Variants in IL12RB1 observed in about 807,000 individuals in gnomAD.
IL12RB1 encodes interleukin-12 receptor subunit beta-1.
IL12RB1 carries 64 observed loss-of-function variants against 94.4 expected under a neutral mutation model. That is an observed-to-expected ratio of 0.68 (90% CI 0.55 to 0.83). The LOEUF (loss-of-function observed/expected upper bound fraction) is 0.83, where lower values mean the gene tolerates loss of function less well. IL12RB1 is among the 40% of genes least tolerant of loss of function. The probability of loss-of-function intolerance (pLI) is 0.00; values close to 1 mark genes in which losing one functional copy is unlikely to be tolerated. For synonymous variants in IL12RB1, 362 were observed against 355.5 expected, an observed-to-expected ratio of 1.02 and a Z score of -0.21; for missense variants, 814 against 855.6, an observed-to-expected ratio of 0.95 and a Z score of 0.61.
chr19:18,085,441 G>A (rs1275693179), intron 1 of IL12RB1, among the ~76,000 whole-genome samples: 3 of 149,288 alleles, frequency 2.0e-5, no homozygotes, highest in South Asian at 2.1e-4. Flanking sequence ...GCTGCCTCTC[G>A]CCCCCTCCCT....
At chr19:18,076,722 A>G (rs984020937) in intron 5 of IL12RB1, among the ~76,000 whole-genome samples, 4 of 152,116 alleles carry the variant, frequency 2.6e-5, no homozygotes, top group African/African-American at 7.2e-5. Flanking sequence ...TTTTAAATTA[A>G]AGACCATACT....
intron 1 of IL12RB1, among the ~76,000 whole-genome samples, chr19:18,092,810 G>A (rs917242397): frequency 6.6e-6 from 1 of 152,034 alleles, no homozygotes; most frequent in East Asian, 2.0e-4. Flanking sequence ...AAACAGATTA[G>A]AGGATGTTTT....
intron 2 of IL12RB1, among the ~76,000 whole-genome samples, chr19:18,082,664 A>G (rs1470271910): frequency 6.6e-6 from 1 of 152,216 alleles, no homozygotes. Context: ...CCAGTTGCCT[A>G]TGTCTAGAAC....
At chr19:18,072,596 CA>C (rs1204414693) in intron 8 of IL12RB1, among the ~76,000 whole-genome samples, 1 of 151,976 alleles carries the variant, frequency 6.6e-6, no homozygotes, top group Non-Finnish European at 1.5e-5. Flanking sequence ...TTCAGGAAAA[CA>C]AAAATGTTTC....
intron 5 of IL12RB1, 114 bp from the exon 6 acceptor site, chr19:18,076,441 C>T (rs1420180442): frequency 1.4e-6 from 1 of 707,072 alleles, no homozygotes; most frequent in African/African-American, 1.7e-5. Flanking sequence ...CTCACTCTGT[C>T]ATCTAGGCTG....
At chr19:18,061,053 C>T (rs2034083926) in intron 15 of IL12RB1, 69 bp downstream of exon 15, 2 of 819,002 alleles carry the variant, frequency 2.4e-6, no homozygotes, top group Admixed American at 2.0e-5. Context: ...ATAAAATGAG[C>T]TAATGCGTAA....
chr19:18,084,596 C>T (rs186435348), intron 1 of IL12RB1, among the ~76,000 whole-genome samples: 4 of 149,816 alleles, frequency 2.7e-5, no homozygotes, highest in South Asian at 2.1e-4. Context: ...TATCCATCCA[C>T]GTATTCATTC....
At chr19:18,060,780 AC>A (rs1311941199) in intron 15 of IL12RB1, among the ~76,000 whole-genome samples, 2 of 152,168 alleles carry the variant, frequency 1.3e-5, no homozygotes, top group South Asian at 4.1e-4. Context: ...GAAAATGGAC[AC>A]CCTGCTTCCA....
intron 1 of IL12RB1, among the ~76,000 whole-genome samples, chr19:18,095,015 C>A (rs1360673713): frequency 2.6e-5 from 4 of 152,012 alleles, no homozygotes; most frequent in Non-Finnish European, 4.4e-5. Context: ...CCCGTCTCTA[C>A]TAAAAATGCA....
intron 1 of IL12RB1, among the ~76,000 whole-genome samples, chr19:18,095,596 C>T (rs1220093053): frequency 6.6e-6 from 1 of 152,118 alleles, no homozygotes; most frequent in African/African-American, 2.4e-5. Context: ...GGAATCAGAT[C>T]GTGGTGATGG....
intron 9 of IL12RB1, chr19:18,071,244 T>C (rs1323663433): frequency 2.3e-6 from 1 of 437,954 alleles, no homozygotes; most frequent in African/African-American, 2.1e-5. Context: ...TGGTGGCAGA[T>C]GCCTGTAATC....
intron 1 of IL12RB1, chr19:18,097,653 G>A: frequency 2.5e-6 from 1 of 400,034 alleles, no homozygotes; most frequent in East Asian, 4.8e-5. Flanking sequence ...CAGTGGGGGC[G>A]GGGCCCTGTG....
At chr19:18,072,874 G>A (rs1462957299) in intron 8 of IL12RB1, among the ~76,000 whole-genome samples, 1 of 150,650 alleles carries the variant, frequency 6.6e-6, no homozygotes, top group Non-Finnish European at 1.5e-5. Context: ...GTGAACCCGG[G>A]AGGCGGAGCT....
chr19:18,097,900 G>A (rs2037118080), intron 1 of IL12RB1: 3 of 1,146,872 alleles, frequency 2.6e-6, no homozygotes, highest in African/African-American at 1.6e-5. Flanking sequence ...GAAAGGTGCC[G>A]GGAGGGGCGG....
intron 12 of IL12RB1, among the ~76,000 whole-genome samples, chr19:18,065,072 G>T (rs188683460): frequency 6.6e-6 from 1 of 152,156 alleles, no homozygotes; most frequent in Non-Finnish European, 1.5e-5. Context: ...AATATGAGAC[G>T]TAGCTGCCCT....
rs2035101903 is a variant in IL12RB1, at chr19:18,072,109, C to T, written c.1021+3G>A. ...TACCGCCCTCCCCACCCAGAGGAGG[C>T]ACCTGTGTGGGTGTCGGCAGGAATG... is the stretch of plus-strand genomic sequence containing the variant. On this transcript the variant is annotated splice_donor_region_variant and intron_variant, in intron 9 of 16. Coordinates refer to ENST00000593993, the MANE Select transcript of IL12RB1 (RefSeq NM_005535.3). The T allele has an allele frequency of 1.2e-6, 2 of 1,604,196 alleles. No individual in the cohort carries two copies. The highest frequency in any genetic ancestry group is 1.7e-6 in the Non-Finnish European group (2 of 1,171,054).
chr19:18,073,163 T>A (rs1568501786), intron 8 of IL12RB1, among the ~76,000 whole-genome samples: 1 of 152,094 alleles, frequency 6.6e-6, no homozygotes, highest in Non-Finnish European at 1.5e-5. Context: ...CTAATCAGAC[T>A]GCACTTAATG....
chr19:18,073,812 TTTTG>T (rs887160603), intron 7 of IL12RB1, among the ~76,000 whole-genome samples: 7 of 152,256 alleles, frequency 4.6e-5, no homozygotes, highest in South Asian at 4.1e-4. Flanking sequence ...GCCTAAGGTT[TTTTG>T]TTTGTTTGTT....
chr19:18,088,883 T>C (rs447259), upstream of IL12RB1, among the ~76,000 whole-genome samples: 36,796 of 151,640 alleles, frequency 0.24, 4,838 homozygotes, highest in African/African-American at 0.35. Context: ...TACAAAAATT[T>C]GCCAGGCCTG....
Sources: allele counts gnomAD v4.1 joint callset (sites outside exome capture counted in the v4.1 genomes callset), GRCh38; gene constraint gnomAD v4.1.1; transcripts MANE v1.5; gene names NCBI Gene and HGNC (gene_info 2026-07-23, HGNC 2026-07-21).